HCFC1: variants seen among roughly 807,000 people sequenced by gnomAD.
The protein encoded by HCFC1 is host cell factor 1.
A neutral mutation model predicts 105.5 loss-of-function variants in HCFC1; 7 were observed. The observed-to-expected ratio is 0.07, with a 90% CI of 0.04 to 0.12. The LOEUF (loss-of-function observed/expected upper bound fraction) is 0.12, where lower values mean the gene tolerates loss of function less well. HCFC1 is among the 10% of genes least tolerant of loss of function. The probability of loss-of-function intolerance (pLI) is 1.00; values close to 1 mark genes in which losing one functional copy is unlikely to be tolerated. For missense variants in HCFC1, 1,065 were observed against 1,823.6 expected (o/e 0.58, Z 7.58); for synonymous variants, 918 against 828.1 (o/e 1.11, Z -1.86).
chrX:153,963,660 G>A (rs2065449670), intron 3 of HCFC1, among the ~76,000 whole-genome samples: 1 of 112,475 alleles, frequency 8.9e-6, no homozygotes, highest in African/African-American at 3.2e-5. Context: ...CAGCAGCCCC[G>A]AGTCCAGACC....
At chrX:153,953,808 C>T (rs1557113416) in intron 17 of HCFC1, 38 bp from the exon 18 acceptor site, 2 of 1,152,642 alleles carry the variant, frequency 1.7e-6, no homozygotes, top group African/African-American at 3.5e-5. Context: ...TCAGCAGGAG[C>T]CCCCCCGGCC....
At chrX:153,962,831 G>A (rs903657366) in intron 4 of HCFC1, among the ~76,000 whole-genome samples, 2 of 111,426 alleles carry the variant, frequency 1.8e-5, no homozygotes, top group East Asian at 2.8e-4. Context: ...AGCAGTCCCC[G>A]AAGGCCTCAC....
chrX:153,964,379 G>A (rs1331766031), intron 2 of HCFC1, 95 bp from the exon 3 acceptor site: 1 of 945,311 alleles, frequency 1.1e-6, no homozygotes, highest in African/African-American at 2.0e-5. Flanking sequence ...ATGGCCGGGG[G>A]TGAGCGAGGT....
intron 17 of HCFC1, 67 bp downstream of exon 17, chrX:153,953,999 G>T: frequency 9.0e-7 from 1 of 1,111,908 alleles, no homozygotes. Flanking sequence ...CCCCGCCATC[G>T]TTGTCTTGGC....
chrX:153,953,708 T>C lies in HCFC1; in HGVS notation c.4396A>G (p.Ile1466Val). Reference protein sequence around the residue: ...VESTQGDSVNITSSSAITTTV... With the variant: ...VESTQGDSVNVTSSSAITTTV... ...GTCGTGATGGCACTGGAGCTGGTGA[T>C]GTTCACGCTGTCGCCCTGGGTGCTC... Residue 1466 changes from isoleucine (I) to valine (V), a missense_variant, in exon 18 of 26, where the codon ATC (isoleucine) becomes GTC (valine). Coordinates refer to ENST00000310441, the MANE Select transcript of HCFC1 (RefSeq NM_005334.3). The C allele has an allele frequency of 8.3e-7, 1 of 1,210,139 alleles. No homozygotes were observed. Among genetic ancestry groups the C allele is most frequent in the Non-Finnish European group, 1.1e-6 (1 of 894,729 alleles).
chrX:153,953,033 G>A (rs1557113126), intron 18 of HCFC1, 75 bp from the exon 19 acceptor site: 2 of 853,769 alleles, frequency 2.3e-6, no homozygotes, highest in Admixed American at 5.2e-5. Flanking sequence ...ATTTTGGCCG[G>A]GATGGGGACT....
chrX:153,969,720 G>C (rs1050160788), intron 1 of HCFC1: 4 of 113,451 alleles, frequency 3.5e-5, no homozygotes, highest in African/African-American at 9.6e-5. Flanking sequence ...AGGCCGTGGT[G>C]CATCAGCCAT....
intron 7 of HCFC1, 30 bp downstream of exon 7, chrX:153,960,205 G>A: frequency 1.7e-6 from 2 of 1,193,931 alleles, no homozygotes; most frequent in South Asian, 1.8e-5. Flanking sequence ...GAGGCTATGG[G>A]AGGAGGGGAG....
At position 153,968,501 on chromosome X, in the gene HCFC1, C is replaced by G. The variant is rs189295363; in HGVS notation, c.193+2147G>C. 4.8e-3 allele frequency among the ~76,000 whole-genome samples: 535 copies of G among 112,263 alleles called. 3 individuals are homozygous for G. The highest frequency in any genetic ancestry group is 7.4e-3 in the Non-Finnish European group (393 of 53,182). ...AAGAGGGCTTCAGGTCTGCCAGCTG[C>G]TCTCTCGTCTGAGGAATTGCCGATG... is the stretch of plus-strand genomic sequence containing the variant. On this transcript the variant is annotated intron_variant, in intron 1 of 25. Transcript: ENST00000310441.
intron 1 of HCFC1, among the ~76,000 whole-genome samples, chrX:153,967,588 G>A (rs1241811080): frequency 8.9e-6 from 1 of 112,186 alleles, no homozygotes; most frequent in Admixed American, 9.5e-5. Context: ...TACTCCCAAT[G>A]GGGTAGGAAG....
At chrX:153,953,915 C>T in intron 17 of HCFC1, 145 bp from the exon 18 acceptor site, 3 of 879,737 alleles carry the variant, frequency 3.4e-6, no homozygotes, top group Non-Finnish European at 4.7e-6. Flanking sequence ...GCTTCAGGTA[C>T]AGCCAGGACG....
In HCFC1 at chrX:153,948,228, G is replaced by C. The variant is rs1365494952; in HGVS notation, c.*1119C>G. On this transcript the variant is annotated 3_prime_UTR_variant, in exon 26 of 26. Transcript: ENST00000310441. ...GGAAATCCAGGACAAGGAGGCCCCAGCCCTCCCTCAAGCTCCCCTAGGCTC... is the reference window on the plus strand; with the variant it reads ...GGAAATCCAGGACAAGGAGGCCCCACCCCTCCCTCAAGCTCCCCTAGGCTC... The C allele has an allele frequency of 1.8e-5, 2 of 112,246 alleles. No individual in the cohort carries two copies. The highest frequency in any genetic ancestry group is 3.8e-5 in the Non-Finnish European group (2 of 53,177). 9.3% of individuals were successfully genotyped at this position (112,246 alleles called of 1,213,427 possible). A position where few individuals can be genotyped will look rare whatever the true frequency, so the allele number is the denominator to read the frequency against.
At chrX:153,968,851 G>A (rs1487495418) in intron 1 of HCFC1, among the ~76,000 whole-genome samples, 2 of 112,090 alleles carry the variant, frequency 1.8e-5, no homozygotes, top group Non-Finnish European at 3.8e-5. Flanking sequence ...TCATGGTGAC[G>A]GTGCCTCTAT....
intron 17 of HCFC1, 106 bp from the exon 18 acceptor site, chrX:153,953,876 G>T: frequency 2.1e-6 from 2 of 940,478 alleles, no homozygotes; most frequent in Non-Finnish European, 2.9e-6. Context: ...GCCAGATAAG[G>T]CAGGACAGGC....
At chrX:153,949,953 C>T in intron 24 of HCFC1, among the ~76,000 whole-genome samples, 1 of 111,960 alleles carries the variant, frequency 8.9e-6, no homozygotes, top group East Asian at 2.8e-4. Context: ...TGCTGCACTC[C>T]AGGGACCTGG....
rs1311007593 is a variant in HCFC1, at chrX:153,955,205, C to T, written c.3194G>A (p.Gly1065Asp). 8.3e-7 allele frequency: 1 copy of T among 1,211,298 alleles called. No individual in the cohort carries two copies. Among genetic ancestry groups the T allele is most frequent in the East Asian group, 3.0e-5 (1 of 33,826 alleles). ...AAASLVTSTV[G>D]QQNGSVVRVC... ...TCGGACCACGCTACCATTCTGCTGG[C>T]CCACAGTCGAGGTCACAAGAGAAGC... Residue 1065 changes from glycine to aspartate, a missense_variant, in exon 17 of 26, where the codon GGC becomes GAC. Physicochemically the swap from Gly to Asp is moderately conservative, Grantham distance 94. This residue lies in a region of HCFC1 where 546 missense variants were observed against 599.9 expected (regional missense o/e 0.91). Coordinates refer to ENST00000310441, the MANE Select transcript of HCFC1 (RefSeq NM_005334.3).
Sources: gnomAD v4.1 joint callset for allele counts (sites outside exome capture counted in the v4.1 genomes callset) on GRCh38, gnomAD v4.1.1 for gene constraint, gnomAD v4.1.1 regional missense constraint, MANE v1.5 for transcripts, NCBI Gene and HGNC (gene_info 2026-07-23, HGNC 2026-07-21) for gene names.